C10orf90: variants seen among roughly 807,000 people sequenced by gnomAD.
C10orf90 encodes (E2-independent) E3 ubiquitin-conjugating enzyme FATS.
Under a neutral mutation model 62.5 loss-of-function variants are expected in C10orf90, and 56 were observed. That is an observed-to-expected ratio of 0.90 (90% CI 0.72 to 1.12). The LOEUF is 1.12. C10orf90 is among the 50% of genes most tolerant of loss of function. C10orf90 has a pLI of 0.00. For missense variants in C10orf90, 970 were observed against 880.4 expected, an observed-to-expected ratio of 1.10 and a Z score of -1.29; for synonymous variants, 386 against 340.4, an observed-to-expected ratio of 1.13 and a Z score of -1.47.
At chr10:126,654,837 C>T (rs1846360834) in intron 1 of C10orf90, among the ~76,000 whole-genome samples, 1 of 152,134 alleles carries the variant, frequency 6.6e-6, no homozygotes, top group Non-Finnish European at 1.5e-5. Flanking sequence ...ACTCAGAGGC[C>T]ACTTGAGCGT....
intron 3 of C10orf90, among the ~76,000 whole-genome samples, chr10:126,508,158 TGAGAGAGAGA>T (rs57143666): frequency 2.3e-5 from 3 of 131,468 alleles, no homozygotes; most frequent in African/African-American, 3.1e-5. Context: ...AATGAGTGAG[TGAGAGAGAGA>T]GAGAGAGAGA....
intron 2 of C10orf90, among the ~76,000 whole-genome samples, chr10:126,538,498 T>C (rs1454989022): frequency 3.9e-5 from 6 of 152,176 alleles, no homozygotes; most frequent in Non-Finnish European, 7.3e-5. Flanking sequence ...GAACTGTGCA[T>C]CAATAAATGC....
rs1367413275 is a variant in C10orf90, at chr10:126,453,567, G to A, written c.2188+5473C>T. Among the ~76,000 whole-genome samples, 5 of 152,144 alleles carry A rather than the reference G, an allele frequency of 3.3e-5. No individual in the cohort carries two copies. The highest frequency in any genetic ancestry group is 2.1e-4 in the South Asian group (1 of 4,824). ...CTGAGAGAGCCATGGAAGAGGACCC[G>A]GACAGGCGTCCTCAGAGGGGGAAAT... On this transcript the variant is annotated intron_variant, in intron 7 of 9. Coordinates refer to ENST00000488181, the MANE Select transcript of C10orf90 (RefSeq NM_001350921.2). The surrounding 1 kb of genome is among the most constrained non-coding windows in gnomAD (Gnocchi z 4.9).
chr10:126,561,635 T>C (rs1323622930), intron 2 of C10orf90, among the ~76,000 whole-genome samples: 1 of 152,122 alleles, frequency 6.6e-6, no homozygotes, highest in Non-Finnish European at 1.5e-5. Flanking sequence ...GGTTTGGATG[T>C]GACTGAGAAA....
intron 2 of C10orf90, among the ~76,000 whole-genome samples, chr10:126,635,266 G>A (rs1845926791): frequency 6.6e-6 from 1 of 152,154 alleles, no homozygotes; most frequent in African/African-American, 2.4e-5. Flanking sequence ...AAATTCTAAA[G>A]CACGGTCCTA....
intron 2 of C10orf90, among the ~76,000 whole-genome samples, chr10:126,598,562 G>C (rs1229276561): frequency 6.6e-6 from 1 of 152,150 alleles, no homozygotes. Context: ...GCTTCAGCTT[G>C]TGGTCTCTTC....
intron 8 of C10orf90, among the ~76,000 whole-genome samples, chr10:126,428,211 A>G (rs1857369574): frequency 6.6e-6 from 1 of 152,094 alleles, no homozygotes; most frequent in African/African-American, 2.4e-5. Context: ...ATAAAAGTCT[A>G]CTTTAAGGCA....
intron 2 of C10orf90, among the ~76,000 whole-genome samples, chr10:126,642,494 T>A (rs754259932): frequency 6.6e-6 from 1 of 151,974 alleles, no homozygotes; most frequent in Admixed American, 6.5e-5. Flanking sequence ...ATCGCGCCAC[T>A]GCACTCCAGC....
At chr10:126,587,890 G>A (rs1844905387) in intron 2 of C10orf90, among the ~76,000 whole-genome samples, 1 of 152,164 alleles carries the variant, frequency 6.6e-6, no homozygotes, top group Non-Finnish European at 1.5e-5. Context: ...TTACAATTGT[G>A]AGCCATGCAG....
intron 7 of C10orf90, among the ~76,000 whole-genome samples, chr10:126,436,712 A>C (rs1279959544): frequency 6.6e-6 from 1 of 152,150 alleles, no homozygotes; most frequent in Non-Finnish European, 1.5e-5. Context: ...CCCAGGGTGG[A>C]GTACAGTGGC....
Position 126,607,345 on chromosome 10 carries a change from A to G in C10orf90, c.313+39220T>C, listed in dbSNP as rs557394886. On this transcript the variant is annotated intron_variant, in intron 2 of 9. Transcript: ENST00000488181. ...AAAATCATTTGTACAATTGTTACTC[A>G]TTGTAGTTGCAAATCTAACTAGCCA... Among the ~76,000 whole-genome samples the G allele has an allele frequency of 1.8e-4, 27 of 152,334 alleles. 1 individual carries two copies. The highest frequency in any genetic ancestry group is 6.5e-4 in the African/African-American group (27 of 41,576).
intron 2 of C10orf90, among the ~76,000 whole-genome samples, chr10:126,546,043 T>C (rs971910912): frequency 6.6e-6 from 1 of 152,110 alleles, no homozygotes; most frequent in Non-Finnish European, 1.5e-5. Context: ...TTTTGTCTCA[T>C]GCATCTCAGA....
At chr10:126,640,255 G>GGACA (rs1169535276) in intron 2 of C10orf90, among the ~76,000 whole-genome samples, 7 of 152,230 alleles carry the variant, frequency 4.6e-5, no homozygotes, top group Non-Finnish European at 1.0e-4. Context: ...TCTCAACAAG[G>GGACA]GAAGCTGAGG....
chr10:126,538,592 T>C (rs1421234751), intron 2 of C10orf90, among the ~76,000 whole-genome samples: 3 of 152,218 alleles, frequency 2.0e-5, no homozygotes, highest in Admixed American at 6.5e-5. Context: ...TTGCCACGTG[T>C]TGTTAATAGG....
rs145038579 is a variant in C10orf90 at position 126,468,799 on chromosome 10, G to T, written c.1535-3813C>A. On this transcript the variant is annotated intron_variant, in intron 4 of 9. Coordinates refer to ENST00000488181, the MANE Select transcript of C10orf90 (RefSeq NM_001350921.2). ...ACAGCCGAGAAGAGGCATGCATCTG[G>T]GCTAGGTGGGGACACCACCAGCCCA... 1.3e-3 allele frequency among the ~76,000 whole-genome samples: 196 copies of T among 152,246 alleles called. 1 individual carries two copies. Among genetic ancestry groups the T allele is most frequent in the African/African-American group, 4.3e-3 (179 of 41,534 alleles).
At chr10:126,652,908 C>T (rs559864911) in intron 1 of C10orf90, among the ~76,000 whole-genome samples, 83 of 152,264 alleles carry the variant, frequency 5.5e-4, no homozygotes, top group Admixed American at 1.2e-3. Context: ...CAGTTGCAGA[C>T]CACCACAATA....
intron 2 of C10orf90, among the ~76,000 whole-genome samples, chr10:126,620,478 A>T (rs941823479): frequency 6.6e-6 from 1 of 152,288 alleles, no homozygotes; most frequent in Admixed American, 6.5e-5. Context: ...AATTCACGTT[A>T]TCAATTGTCA....
In C10orf90 at chr10:126,504,515, C is replaced by A; in HGVS notation, c.976G>T (p.Asp326Tyr). ...TCTGGAGAAAAACTGGTCTCTTTGT[C>A]GTCTGCATGGGTGACCCAGTACTTG... is the stretch of plus-strand genomic sequence containing the variant. ...RRKYWVTHAD[D>Y]KETSFSPDTP... is the part of the protein sequence containing the mutation. The change falls in exon 4 of 10, where the codon GAC becomes TAC. Residue 326 changes from aspartate (D) to tyrosine (Y), a missense_variant. By Grantham distance (160) the Asp-to-Tyr change is radical. Transcript: ENST00000488181. The surrounding 1 kb of genome is among the most constrained non-coding windows in gnomAD (Gnocchi z 4.1). 6.2e-7 allele frequency: 1 copy of A among 1,614,220 alleles called. No homozygotes were observed. Among genetic ancestry groups the A allele is most frequent in the South Asian group, 1.1e-5 (1 of 91,086 alleles).
chr10:126,546,924 A>G (rs1003892209), intron 2 of C10orf90, among the ~76,000 whole-genome samples: 34 of 152,206 alleles, frequency 2.2e-4, no homozygotes, highest in Admixed American at 1.2e-3. Context: ...CAGGAGTTCC[A>G]GTCCAGCTTG....
Sources: gnomAD v4.1 joint callset for allele counts (sites outside exome capture counted in the v4.1 genomes callset) on GRCh38, gnomAD v4.1.1 for gene constraint, Gnocchi (gnomAD v3.1) non-coding constraint, MANE v1.5 for transcripts, NCBI Gene and HGNC (gene_info 2026-07-23, HGNC 2026-07-21) for gene names.